Variants in RAP1GAP2 observed in about 807,000 individuals in gnomAD.
The protein encoded by RAP1GAP2 is RAP1 GTPase activating protein 2.
A neutral mutation model predicts 95.0 loss-of-function variants in RAP1GAP2; 27 were observed. The ratio of observed to expected loss-of-function variants is 0.28; its 90% CI spans 0.21 to 0.39. The LOEUF (loss-of-function observed/expected upper bound fraction) is 0.39, where lower values mean the gene tolerates loss of function less well. Ranked by LOEUF, RAP1GAP2 falls within the 10% of genes least tolerant of loss-of-function variation. The pLI is 1.00. For missense variants in RAP1GAP2, 771 were observed against 970.0 expected (o/e 0.79, Z 2.72); for synonymous variants, 373 against 380.9 (o/e 0.98, Z 0.24).
At chr17:2,893,331 G>A (rs750149248) in intron 2 of RAP1GAP2, among the ~76,000 whole-genome samples, 11 of 152,128 alleles carry the variant, frequency 7.2e-5, no homozygotes, top group East Asian at 1.9e-4. Context: ...GTGAGCCACC[G>A]CACCCAGCCC....
chr17:2,958,883 T>C (rs992096640), intron 4 of RAP1GAP2, among the ~76,000 whole-genome samples: 1 of 151,972 alleles, frequency 6.6e-6, no homozygotes, highest in African/African-American at 2.4e-5. Context: ...GGGAAAGTAT[T>C]GTTACTGCCG....
chr17:2,808,017 G>A (rs1196251741), intron 2 of RAP1GAP2, among the ~76,000 whole-genome samples: 1 of 152,210 alleles, frequency 6.6e-6, no homozygotes, highest in South Asian at 2.1e-4. Flanking sequence ...GGCCATTCCT[G>A]TTTGGAGGTG....
At chr17:2,828,139 G>A (rs11657279) in intron 2 of RAP1GAP2, among the ~76,000 whole-genome samples, 60,281 of 151,984 alleles carry the variant, frequency 0.4, 12,376 homozygotes, top group Non-Finnish European at 0.47. Flanking sequence ...TCAGGAGTTC[G>A]AGACCAGCCT....
At chr17:2,839,127 A>G (rs965486808) in intron 2 of RAP1GAP2, among the ~76,000 whole-genome samples, 5 of 152,020 alleles carry the variant, frequency 3.3e-5, no homozygotes, top group Non-Finnish European at 7.4e-5. Flanking sequence ...ACATGGTGAA[A>G]CCCTGTCTCT....
At chr17:2,954,040 A>C (rs1323908837) in intron 3 of RAP1GAP2, among the ~76,000 whole-genome samples, 1 of 152,070 alleles carries the variant, frequency 6.6e-6, no homozygotes, top group Non-Finnish European at 1.5e-5. Flanking sequence ...TTCTGTCTCT[A>C]TGAGGTTGCA....
At chr17:3,016,550 T>C (rs1355031243) in intron 17 of RAP1GAP2, among the ~76,000 whole-genome samples, 1 of 152,254 alleles carries the variant, frequency 6.6e-6, no homozygotes, top group African/African-American at 2.4e-5. Context: ...CATCGCCCAA[T>C]GTGAGGAATA....
chr17:2,771,011 C>CA (rs2068379974), intron 2 of RAP1GAP2, among the ~76,000 whole-genome samples: 1 of 152,164 alleles, frequency 6.6e-6, no homozygotes, highest in Non-Finnish European at 1.5e-5. Context: ...TGAACCACTG[C>CA]ACTCCAGCCT....
At chr17:2,780,163 G>A (rs2151445657) in intron 1 of RAP1GAP2, among the ~76,000 whole-genome samples, 1 of 152,310 alleles carries the variant, frequency 6.6e-6, no homozygotes, top group Non-Finnish European at 1.5e-5. Context: ...TGATTCTCCT[G>A]TCTCAGCCTC....
At chr17:2,876,170 C>A (rs1372007249) in intron 2 of RAP1GAP2, among the ~76,000 whole-genome samples, 1 of 152,028 alleles carries the variant, frequency 6.6e-6, no homozygotes, top group Non-Finnish European at 1.5e-5. Flanking sequence ...ATCTCCTGAC[C>A]TTGTGAGCTG....
chr17:3,034,008 C>G lies in RAP1GAP2; in HGVS notation c.*647C>G, dbSNP rs546195371. ...ACGTAGGCCCAGGGCTGCCCTGCCC[C>G]TGCTGCCAGTGTACCGTGAGCGGGG... On this transcript the variant is annotated 3_prime_UTR_variant, in exon 25 of 25. Coordinates refer to ENST00000254695, the MANE Select transcript of RAP1GAP2 (RefSeq NM_015085.5). The surrounding 1 kb of genome is among the most constrained non-coding windows in gnomAD (Gnocchi z 5.1). 6.5e-6 allele frequency: 1 copy of G among 153,014 alleles called. No individual in the cohort carries two copies. Among genetic ancestry groups the G allele is most frequent in the Non-Finnish European group, 1.5e-5 (1 of 68,668 alleles). The allele number at this position is 153,014 out of a possible 1,614,324, so 9.5% of individuals were successfully genotyped here. A position where few individuals can be genotyped will look rare whatever the true frequency, so the allele number is the denominator to read the frequency against.
chr17:3,002,150 A>G (rs1293574300), intron 14 of RAP1GAP2, among the ~76,000 whole-genome samples: 1 of 152,000 alleles, frequency 6.6e-6, no homozygotes, highest in South Asian at 2.1e-4. Context: ...TTTGGTAGAG[A>G]CGGGGTTTCA....
At chr17:2,912,129 CCT>C (rs1442009485) in intron 3 of RAP1GAP2, among the ~76,000 whole-genome samples, 1 of 152,240 alleles carries the variant, frequency 6.6e-6, no homozygotes, top group Non-Finnish European at 1.5e-5. Flanking sequence ...GCCCCCACCG[CCT>C]CTATGGTAGG....
intron 3 of RAP1GAP2, among the ~76,000 whole-genome samples, chr17:2,914,916 C>T (rs149469066): frequency 0.014 from 2,182 of 151,688 alleles, 61 homozygotes; most frequent in African/African-American, 0.05. Context: ...CTCAGTCCCC[C>T]GAGTAGCTGG....
chr17:2,889,890 T>TATA (rs1491260344), intron 2 of RAP1GAP2, among the ~76,000 whole-genome samples: 281 of 29,570 alleles, frequency 9.5e-3, no homozygotes, highest in African/African-American at 0.038. Flanking sequence ...TATATATATA[T>TATA]TTTTTTTTTT....
rs1272411559 is a variant in RAP1GAP2, at chr17:3,032,400, T to C, written c.2185-11T>C. ...TTATTTAAACTCCTGTATGGATTTT[T>C]GTTGAAACAGGGTCACTAATGTGAA... On this transcript the variant is annotated splice_polypyrimidine_tract_variant and intron_variant, in intron 23 of 24. Transcript: ENST00000254695. The C allele has an allele frequency of 6.2e-7, 1 of 1,613,836 alleles. No homozygotes were observed.
chr17:3,037,366 C>CCT lies in RAP1GAP2; in HGVS notation c.*4006_*4007insTC, dbSNP rs1555607754. The CCT allele has an allele frequency of 5.3e-5, 3 of 56,386 alleles. No homozygotes were observed. Among genetic ancestry groups the CCT allele is most frequent in the Non-Finnish European group, 1.1e-4 (2 of 17,802 alleles). The allele number at this position is 56,386 out of a possible 1,614,324, so 3.5% of individuals were successfully genotyped here. A position where few individuals can be genotyped will look rare whatever the true frequency, so the allele number is the denominator to read the frequency against. Reference sequence around the variant, plus strand: ...ATTTCTGCTTGGAAGTGTGAACTACCCCCCCCCCCCCGCTTCCTGCTCCTT... The same window carrying CCT: ...ATTTCTGCTTGGAAGTGTGAACTACCCTCCCCCCCCCCCGCTTCCTGCTCCTT... On this transcript the variant is annotated 3_prime_UTR_variant, in exon 25 of 25. Transcript: ENST00000254695.
intron 2 of RAP1GAP2, among the ~76,000 whole-genome samples, chr17:2,848,791 G>C (rs2071697506): frequency 6.6e-6 from 1 of 152,178 alleles, no homozygotes; most frequent in African/African-American, 2.4e-5. Context: ...TGGGATTACA[G>C]GCGTGAGCCA....
At chr17:2,784,041 C>T (rs1296986594) in intron 1 of RAP1GAP2, among the ~76,000 whole-genome samples, 2 of 152,148 alleles carry the variant, frequency 1.3e-5, no homozygotes, top group Non-Finnish European at 2.9e-5. Flanking sequence ...GGCGCAATCT[C>T]GGCTCACTGC....
At chr17:2,809,573 C>A (rs986771950) in intron 2 of RAP1GAP2, among the ~76,000 whole-genome samples, 2 of 152,198 alleles carry the variant, frequency 1.3e-5, no homozygotes, top group Admixed American at 6.5e-5. Context: ...TGCACTTGGG[C>A]TTCCTCGCTG....
Sources: allele counts gnomAD v4.1 joint callset (sites outside exome capture counted in the v4.1 genomes callset), GRCh38; gene constraint gnomAD v4.1.1; non-coding constraint Gnocchi (gnomAD v3.1); transcripts MANE v1.5; gene names NCBI Gene and HGNC (gene_info 2026-07-23, HGNC 2026-07-21).